ZNF142: variants seen among roughly 807,000 people sequenced by gnomAD.
ZNF142 encodes the protein zinc finger protein 142 (clone pHZ-49).
A neutral mutation model predicts 132.1 loss-of-function variants in ZNF142; 96 were observed. The observed-to-expected ratio is 0.73, with a 90% CI of 0.62 to 0.86. The LOEUF is 0.86. ZNF142 is among the 40% of genes least tolerant of loss of function. The probability of loss-of-function intolerance (pLI) is 0.00; values close to 1 mark genes in which losing one functional copy is unlikely to be tolerated. For synonymous variants in ZNF142, 842 were observed against 890.1 expected (o/e 0.95, Z 0.96); for missense variants, 2,163 against 2,336.2 (o/e 0.93, Z 1.53).
rs779082032 is a variant in ZNF142 at position 218,643,212 on chromosome 2, C to T, written c.3904G>A (p.Ala1302Thr). Residue 1302 changes from alanine (A) to threonine (T), a missense_variant, in exon 9 of 11, where the codon GCT becomes ACT. Transcript: ENST00000411696. ...GGACATGTAGGGCAGGAGAAGCGAG[C>T]CCCCTTCTGCTTTTGAACCAGAACT... is the stretch of plus-strand genomic sequence containing the variant. The part of the protein sequence containing the change: ...DTVLVQKQKG[A>T]RFSCPTCPFS... The T allele has an allele frequency of 2.5e-6, 4 of 1,614,232 alleles. No individual in the cohort carries two copies. The highest frequency in any genetic ancestry group is 4.5e-5 in the East Asian group (2 of 44,888).
In ZNF142 at chr2:218,644,630, G is replaced by C; in HGVS notation, c.2486C>G (p.Pro829Arg). The C allele has an allele frequency of 1.2e-6, 2 of 1,614,206 alleles. No homozygotes were observed. Among genetic ancestry groups the C allele is most frequent in the African/African-American group, 2.7e-5 (2 of 75,056 alleles). ...QGPTPPPDSE[P>R]SNQLSARPEG... The stretch of plus-strand genomic sequence containing the variant: ...AGGTCGGGCTGACAGCTGGTTTGAG[G>C]GCTCTGAATCTGGTGGGGGTGTTGG... Residue 829 changes from proline (P) to arginine (R), a missense_variant, in exon 9 of 11, where the codon CCC becomes CGC. This residue lies in a region of ZNF142 where 749 missense variants were observed against 830.3 expected (regional missense o/e 0.90). Coordinates refer to ENST00000411696, the MANE Select transcript of ZNF142 (RefSeq NM_001379659.1). The surrounding 1 kb of genome is among the most constrained non-coding windows in gnomAD (Gnocchi z 4.6).
At position 218,638,552 on chromosome 2, in the gene ZNF142, G is replaced by A. The variant is rs748529642; in HGVS notation, c.5451C>T (p.Asp1817=). The A allele has an allele frequency of 3.1e-6, 5 of 1,611,012 alleles. No homozygotes were observed. In the South Asian group the frequency reaches 5.5e-5, roughly 18 times the overall value. The change falls in exon 11 of 11, where the codon GAC becomes GAT. Residue 1817 remains aspartate, a synonymous_variant. Transcript: ENST00000411696. ...AGAGGCGGCAAAAGAAGGGGTGGCG[G>A]TCGGTGTGGGTGAGGGCATGATGGC... ...GLRHHALTHT[D]RHPFFCRLCN... is the part of the protein sequence containing the mutation.
At position 218,637,505 on chromosome 2, in the gene ZNF142, C is replaced by T. The variant is rs1473504958; in HGVS notation, c.*834G>A. On this transcript the variant is annotated 3_prime_UTR_variant, in exon 11 of 11. Transcript: ENST00000411696. ...AGATGATCAATTATATAGTAAGGCACTACAGAATTATACTGTGAAGCAGTT... is the reference window on the plus strand; with the variant it reads ...AGATGATCAATTATATAGTAAGGCATTACAGAATTATACTGTGAAGCAGTT... Among the ~76,000 whole-genome samples the T allele has an allele frequency of 6.6e-6, 1 of 152,224 alleles. No individual in the cohort carries two copies. Among genetic ancestry groups the T allele is most frequent in the Non-Finnish European group, 1.5e-5 (1 of 68,038 alleles).
rs755937116 is a variant in ZNF142, at chr2:218,638,716, G to A, written c.5287C>T (p.Arg1763Trp). 1.1e-5 allele frequency: 18 copies of A among 1,613,854 alleles called. No homozygotes were observed. Among genetic ancestry groups the A allele is most frequent in the South Asian group, 5.5e-5 (5 of 91,084 alleles). ...CCACACTGCTCACACATGAAAGCCC[G>A]TGCTTCTCGATGCCGGGTCTCCTGG... Reference protein sequence around the residue: ...VHQETRHREARAFMCEQCGKA... With the variant: ...VHQETRHREAWAFMCEQCGKA... Residue 1763 changes from arginine to tryptophan, a missense_variant, in exon 11 of 11, where the codon CGG becomes TGG. Physicochemically the swap from Arg to Trp is moderately radical, Grantham distance 101. Transcript: ENST00000411696.
At position 218,636,233 on chromosome 2, in the gene ZNF142, A is replaced by C; in HGVS notation, c.*2106T>G. 1 of 1,613,126 alleles carries C rather than the reference A, an allele frequency of 6.2e-7. No individual in the cohort carries two copies. Among genetic ancestry groups the C allele is most frequent in the Non-Finnish European group, 8.5e-7 (1 of 1,179,088 alleles). Reference sequence around the variant, plus strand: ...AATGTCTTCTTATTTCTTTCTGTCCACCAACTCAGGTTTTAATCCATACTG... The same window carrying C: ...AATGTCTTCTTATTTCTTTCTGTCCCCCAACTCAGGTTTTAATCCATACTG... On this transcript the variant is annotated 3_prime_UTR_variant, in exon 11 of 11. Coordinates refer to ENST00000411696, the MANE Select transcript of ZNF142 (RefSeq NM_001379659.1).
rs756028198 is a variant in ZNF142, at chr2:218,640,802, T to C, written c.5089-33A>G. ...AGGCAAGAGCAAAAAGCAGAAAATA[T>C]AGTAAGTGCTCAATAAATGTTAGCT... On this transcript the variant is annotated intron_variant, in intron 9 of 10. Coordinates refer to ENST00000411696, the MANE Select transcript of ZNF142 (RefSeq NM_001379659.1). The C allele has an allele frequency of 5.8e-6, 9 of 1,544,090 alleles. No homozygotes were observed. The East Asian group carries it at 9.0e-5, about 15-fold the overall frequency.
intron 10 of ZNF142, among the ~76,000 whole-genome samples, chr2:218,639,520 G>A (rs544922279): frequency 3.3e-5 from 5 of 151,914 alleles, no homozygotes; most frequent in Non-Finnish European, 5.9e-5. Context: ...ACAACGGCTT[G>A]TTCAACTCAA....
chr2:218,647,010 C>T (rs1446151315), intron 7 of ZNF142, among the ~76,000 whole-genome samples: 1 of 81,942 alleles, frequency 1.2e-5, no homozygotes, highest in East Asian at 2.2e-4. Flanking sequence ...AATGAGACAA[C>T]AGAACAGAAT....
intron 5 of ZNF142, among the ~76,000 whole-genome samples, chr2:218,650,800 T>C (rs1023639112): frequency 2.6e-5 from 4 of 152,188 alleles, no homozygotes; most frequent in Admixed American, 6.5e-5. Flanking sequence ...ATTGAGGTCA[T>C]AGGGGGCTGA....
intron 4 of ZNF142, among the ~76,000 whole-genome samples, chr2:218,653,310 G>A (rs1938190428): frequency 1.3e-5 from 2 of 151,702 alleles, no homozygotes; most frequent in Non-Finnish European, 1.5e-5. Flanking sequence ...GGGCCTAGTG[G>A]CTCACACCTG....
intron 7 of ZNF142, among the ~76,000 whole-genome samples, chr2:218,647,094 A>G (rs910295434): frequency 6.6e-5 from 10 of 152,110 alleles, no homozygotes; most frequent in Non-Finnish European, 1.5e-4. Context: ...AGTTCTTATT[A>G]TGTGACTAGC....
Position 218,659,066 on chromosome 2 carries a change from A to G in ZNF142, c.-297T>C, listed in dbSNP as rs1938975242. On this transcript the variant is annotated 5_prime_UTR_variant, in exon 2 of 11. It removes an upstream start codon present in the reference 5' UTR. Transcript: ENST00000411696. The surrounding 1 kb of genome is among the most constrained non-coding windows in gnomAD (Gnocchi z 4.4). ...AAATGGAGGTGATGACAGTGTCCAC[A>G]TCGTCGGGCAGGAGCTGGATCATAA... 6.6e-6 allele frequency: 1 copy of G among 152,198 alleles called. No individual in the cohort carries two copies. Among genetic ancestry groups the G allele is most frequent in the African/African-American group, 2.4e-5 (1 of 41,442 alleles). 9.4% of individuals were successfully genotyped at this position (152,198 alleles called of 1,614,324 possible). A position where few individuals can be genotyped will look rare whatever the true frequency, so the allele number is the denominator to read the frequency against.
rs780986847 is a variant in ZNF142, at chr2:218,640,791, A to G, written c.5089-22T>C. 8 of 1,596,446 alleles carry G rather than the reference A, an allele frequency of 5.0e-6. No individual in the cohort carries two copies. The South Asian group carries it at 6.6e-5, about 13-fold the overall frequency. ...GGTACTGGAAGAGGCAAGAGCAAAA[A>G]GCAGAAAATATAGTAAGTGCTCAAT... is the stretch of plus-strand genomic sequence containing the variant. On this transcript the variant is annotated intron_variant, in intron 9 of 10. Coordinates refer to ENST00000411696, the MANE Select transcript of ZNF142 (RefSeq NM_001379659.1).
rs1937699440 is a variant in ZNF142 at position 218,648,910 on chromosome 2, A to G, written c.1598T>C (p.Met533Thr). ...CPMLFATAEA[M>T]EAHHKSHYAF... ...GTAGTGACTCTTGTGGTGGGCCTCC[A>G]TGGCTTCGGCTGTGGCAAAGAGCAT... Residue 533 changes from methionine (M) to threonine (T), a missense_variant, in exon 7 of 11, where the codon ATG (methionine) becomes ACG (threonine). Physicochemically the swap from Met to Thr is moderately conservative, Grantham distance 81 (BLOSUM62 -1). This residue lies in a region of ZNF142 where 749 missense variants were observed against 830.3 expected (regional missense o/e 0.90). Transcript: ENST00000411696. 2 of 1,613,970 alleles carry G rather than the reference A, an allele frequency of 1.2e-6. No individual in the cohort carries two copies. Among genetic ancestry groups the G allele is most frequent in the Non-Finnish European group, 1.7e-6 (2 of 1,180,030 alleles).
intron 7 of ZNF142, among the ~76,000 whole-genome samples, chr2:218,648,061 T>C (rs192118122): frequency 2.4e-4 from 37 of 152,318 alleles, no homozygotes; most frequent in East Asian, 9.6e-4. Context: ...GATGTTGATA[T>C]AGAGATCACA....
rs558147396 is a variant in ZNF142 at position 218,637,129 on chromosome 2, G to C, written c.*1210C>G. On this transcript the variant is annotated 3_prime_UTR_variant, in exon 11 of 11. Transcript: ENST00000411696. Reference sequence around the variant, plus strand: ...GCACAGCACTCAAAGTCCCCCACTGGACTGCTTCCTCCTTAGCCCCACTGG... The same window carrying C: ...GCACAGCACTCAAAGTCCCCCACTGCACTGCTTCCTCCTTAGCCCCACTGG... 1 of 318,976 alleles carries C rather than the reference G, an allele frequency of 3.1e-6. No individual in the cohort carries two copies. Among genetic ancestry groups the C allele is most frequent in the African/African-American group, 2.2e-5 (1 of 46,034 alleles). The allele number at this position is 318,976 out of a possible 1,614,324, so 19.8% of individuals were successfully genotyped here. A position where few individuals can be genotyped will look rare whatever the true frequency, so the allele number is the denominator to read the frequency against.
intron 4 of ZNF142, among the ~76,000 whole-genome samples, chr2:218,655,240 A>T (rs934484863): frequency 6.6e-6 from 1 of 152,108 alleles, no homozygotes; most frequent in Non-Finnish European, 1.5e-5. Flanking sequence ...TTATTTTTTT[A>T]AATTTCTTTC....
Position 218,638,176 on chromosome 2 carries a change from A to G in ZNF142, c.*163T>C. On this transcript the variant is annotated 3_prime_UTR_variant, in exon 11 of 11. Coordinates refer to ENST00000411696, the MANE Select transcript of ZNF142 (RefSeq NM_001379659.1). ...TCCATGTCCCTCTTTTATATGGGTG[A>G]TAATTTCAAAGTACTATAGCCAGAG... is the stretch of plus-strand genomic sequence containing the variant. The G allele has an allele frequency of 1.9e-6, 1 of 540,378 alleles. No homozygotes were observed. Among genetic ancestry groups the G allele is most frequent in the Non-Finnish European group, 2.9e-6 (1 of 345,902 alleles). The allele number at this position is 540,378 out of a possible 1,614,324, so 33.5% of individuals were successfully genotyped here.
At chr2:218,640,829 T>C in intron 9 of ZNF142, 60 bp from the exon 10 acceptor site, 1 of 1,369,370 alleles carries the variant, frequency 7.3e-7, no homozygotes, top group Admixed American at 1.9e-5. Context: ...ATGTTAGCTG[T>C]TATTATCCAG....
Sources: allele counts gnomAD v4.1 joint callset (sites outside exome capture counted in the v4.1 genomes callset), GRCh38; gene constraint gnomAD v4.1.1; regional missense constraint gnomAD v4.1.1; non-coding constraint Gnocchi (gnomAD v3.1); transcripts MANE v1.5; gene names NCBI Gene and HGNC (gene_info 2026-07-23, HGNC 2026-07-21).